The following KIFC3 variants were observed in gnomAD, a reference collection of about 807,000 sequenced individuals.
KIFC3 encodes the protein kinesin family member C3.
Under a neutral mutation model 101.8 loss-of-function variants are expected in KIFC3, and 60 were observed. That is an observed-to-expected ratio of 0.59 (90% CI 0.48 to 0.73). The LOEUF (loss-of-function observed/expected upper bound fraction) is 0.73. Among genes scored for constraint, KIFC3 ranks in the 30% least tolerant of loss-of-function variants. The probability of loss-of-function intolerance (pLI) is 0.00; values close to 1 mark genes in which losing one functional copy is unlikely to be tolerated. For missense variants in KIFC3, 966 were observed against 1,137.1 expected, an observed-to-expected ratio of 0.85 and a Z score of 2.16; for synonymous variants, 476 against 482.7, an observed-to-expected ratio of 0.99 and a Z score of 0.18.
At chr16:57,763,258 G>A (rs1956861722) in intron 12 of KIFC3, among the ~76,000 whole-genome samples, 1 of 152,182 alleles carries the variant, frequency 6.6e-6, no homozygotes, top group Admixed American at 6.5e-5. Flanking sequence ...ACGCTCTGAT[G>A]TTCCTGGTGG....
At chr16:57,780,465 C>A (rs2052579572) in intron 3 of KIFC3, among the ~76,000 whole-genome samples, 1 of 151,062 alleles carries the variant, frequency 6.6e-6, no homozygotes, top group Non-Finnish European at 1.5e-5. Context: ...GAGCCGAGAT[C>A]ATGCCACTTC....
intron 1 of KIFC3, among the ~76,000 whole-genome samples, chr16:57,850,971 TTCC>T (rs1567342257): frequency 6.8e-4 from 95 of 139,968 alleles, no homozygotes; most frequent in South Asian, 1.1e-3. Flanking sequence ...CCTTCCTTCC[TTCC>T]TTCCTTCCTT....
chr16:57,784,532 G>A (rs1173508126), intron 3 of KIFC3, among the ~76,000 whole-genome samples: 2 of 152,232 alleles, frequency 1.3e-5, no homozygotes, highest in Non-Finnish European at 2.9e-5. Flanking sequence ...ACAGGCAGAC[G>A]TCGGCATGTC....
chr16:57,776,990 T>C (rs1165910120), intron 3 of KIFC3: 5 of 152,212 alleles, frequency 3.3e-5, no homozygotes, highest in African/African-American at 7.2e-5. Flanking sequence ...TTAGAACTAA[T>C]AAATTCAGCA....
chr16:57,789,156 G>A (rs1166711314), intron 3 of KIFC3, among the ~76,000 whole-genome samples: 1 of 152,164 alleles, frequency 6.6e-6, no homozygotes, highest in African/African-American at 2.4e-5. Flanking sequence ...ACACAGCCCC[G>A]CATCTCCAGA....
Position 57,794,988 on chromosome 16 carries a change from C to T in KIFC3, c.315+11G>A. 1 of 1,557,072 alleles carries T rather than the reference C, an allele frequency of 6.4e-7. No individual in the cohort carries two copies. ...CAAGGCACATGCAGCCTGGAAGGCC[C>T]CAGTGCTTACCTGCAGGGTCAGGTA... On this transcript the variant is annotated intron_variant, in intron 3 of 19. Coordinates refer to ENST00000445690, the MANE Select transcript of KIFC3 (RefSeq NM_001130100.2).
chr16:57,766,081 T>G (rs1555602696), intron 10 of KIFC3, among the ~76,000 whole-genome samples: 3 of 152,130 alleles, frequency 2.0e-5, no homozygotes, highest in African/African-American at 7.2e-5. Context: ...AGGCAGCAGG[T>G]GATGACTGGT....
At chr16:57,767,550 C>T (rs868944636) in intron 9 of KIFC3, among the ~76,000 whole-genome samples, 2 of 152,160 alleles carry the variant, frequency 1.3e-5, no homozygotes, top group African/African-American at 2.4e-5. Context: ...CCTTAGTAAC[C>T]GTGGAGGATA....
At chr16:57,816,258 A>T in intron 1 of KIFC3, 1 of 1,288,992 alleles carries the variant, frequency 7.8e-7, no homozygotes, top group Non-Finnish European at 1.0e-6. Flanking sequence ...AACCCAAATC[A>T]CGACACTCCT....
intron 1 of KIFC3, among the ~76,000 whole-genome samples, chr16:57,825,785 T>C (rs878637): frequency 0.57 from 86,050 of 152,050 alleles, 26,483 homozygotes; most frequent in African/African-American, 0.81. Flanking sequence ...TCAAACAATC[T>C]TTCCACCTCT....
At chr16:57,775,803 G>A (rs182805040) in intron 3 of KIFC3, 85 of 985,528 alleles carry the variant, frequency 8.6e-5, no homozygotes, top group Admixed American at 1.2e-4. Context: ...CGGCTGAAAC[G>A]GTCCCAGGAC....
rs1384372811 is a variant in KIFC3 at position 57,768,507 on chromosome 16, T to TCACACACACACACACACACA, written c.1218+1087_1218+1088insTGTGTGTGTGTGTGTGTGTG. Among the ~76,000 whole-genome samples, 9 of 12,594 alleles carry TCACACACACACACACACACA rather than the reference T, an allele frequency of 7.1e-4. No homozygotes were observed. The South Asian group carries it at 9.0e-3, about 13-fold the overall frequency. The allele number at this position is 12,594 out of a possible 152,430, so 8.3% of individuals were successfully genotyped here. A position where few individuals can be genotyped will look rare whatever the true frequency, so the allele number is the denominator to read the frequency against. ...GATGGGGGAAGGGCCTACCATATAT[T>TCACACACACACACACACACA]CTCACACACACACACACACACACAC... On this transcript the variant is annotated intron_variant, in intron 9 of 19. Transcript: ENST00000445690.
At chr16:57,779,016 G>A (rs782446792) in intron 3 of KIFC3, among the ~76,000 whole-genome samples, 4 of 152,222 alleles carry the variant, frequency 2.6e-5, no homozygotes, top group Admixed American at 6.5e-5. Flanking sequence ...ATGGAAAACA[G>A]TATGATGGTT....
intron 3 of KIFC3, among the ~76,000 whole-genome samples, chr16:57,794,043 T>C (rs2054100994): frequency 6.6e-6 from 1 of 152,196 alleles, no homozygotes; most frequent in Non-Finnish European, 1.5e-5. Context: ...AGCCTCCACA[T>C]CCTCATCTAT....
rs1240039408 is a variant in KIFC3 at position 57,795,202 on chromosome 16, T to C, written c.173-61A>G. The C allele has an allele frequency of 9.5e-6, 15 of 1,577,142 alleles. No homozygotes were observed. In the Admixed American group the frequency reaches 2.4e-4, roughly 25 times the overall value. ...ACCACTGGCCAAAGACTGCTAGCCA[T>C]GGACCACTGGCCAGGGCCGCAGCTG... On this transcript the variant is annotated intron_variant, in intron 2 of 19. Transcript: ENST00000445690.
chr16:57,797,571 G>T, intron 2 of KIFC3: 2 of 428,394 alleles, frequency 4.7e-6, no homozygotes, highest in Non-Finnish European at 6.5e-6. Context: ...CACCTGAAAT[G>T]AGCACATGGA....
chr16:57,862,097 C>G (rs533997954), intron 1 of KIFC3, among the ~76,000 whole-genome samples: 1 of 151,964 alleles, frequency 6.6e-6, no homozygotes, highest in South Asian at 2.1e-4. Flanking sequence ...GGCTTACCTG[C>G]TACTCCCTGG....
chr16:57,847,522 G>A (rs2055958353), intron 1 of KIFC3, among the ~76,000 whole-genome samples: 1 of 152,136 alleles, frequency 6.6e-6, no homozygotes, highest in South Asian at 2.1e-4. Flanking sequence ...CACATTTGGT[G>A]TTAGGAGTGT....
intron 1 of KIFC3, among the ~76,000 whole-genome samples, chr16:57,847,743 C>A (rs1435637817): frequency 1.3e-5 from 2 of 149,172 alleles, no homozygotes; most frequent in Non-Finnish European, 3.0e-5. Context: ...TAGATTAAGT[C>A]CAGATGCCAG....
Sources: allele counts gnomAD v4.1 joint callset (sites outside exome capture counted in the v4.1 genomes callset), GRCh38; gene constraint gnomAD v4.1.1; transcripts MANE v1.5; gene names NCBI Gene and HGNC (gene_info 2026-07-23, HGNC 2026-07-21).